TUBD1: variants seen among roughly 807,000 people sequenced by gnomAD.
TUBD1 encodes tubulin delta chain.
TUBD1 carries 38 observed loss-of-function variants against 51.2 expected under a neutral mutation model. The observed-to-expected ratio is 0.74, with a 90% CI of 0.57 to 0.97. The LOEUF (loss-of-function observed/expected upper bound fraction) is 0.97, where lower values mean the gene tolerates loss of function less well. Among genes scored for constraint, TUBD1 ranks in the 50% least tolerant of loss-of-function variants. TUBD1 has a pLI of 0.00. For missense variants in TUBD1, 489 were observed against 538.4 expected (o/e 0.91, Z 0.91); for synonymous variants, 169 against 178.2 (o/e 0.95, Z 0.41).
chr17:59,892,034 T>C (rs926608030), intron 1 of TUBD1: 8 of 151,852 alleles, frequency 5.3e-5, no homozygotes, highest in African/African-American at 1.9e-4. Flanking sequence ...TTGAAGAAAT[T>C]AGTAGTACCA....
chr17:59,885,188 T>A, intron 3 of TUBD1: 1 of 422,750 alleles, frequency 2.4e-6, no homozygotes, highest in South Asian at 1.9e-5. Context: ...ATAACATGTG[T>A]GTGGGAGACT....
chr17:59,886,003 C>T (rs2040703452), intron 3 of TUBD1, 80 bp downstream of exon 3: 1 of 1,457,630 alleles, frequency 6.9e-7, no homozygotes, highest in South Asian at 1.2e-5. Flanking sequence ...GGTATATCAA[C>T]TATACAGTTC....
intron 4 of TUBD1, among the ~76,000 whole-genome samples, chr17:59,880,577 C>T (rs954762473): frequency 5.9e-5 from 9 of 151,944 alleles, no homozygotes; most frequent in South Asian, 2.1e-4. Flanking sequence ...TACGGTAGCG[C>T]GATCTTGGCT....
chr17:59,883,183 C>T (rs547166915), intron 3 of TUBD1, among the ~76,000 whole-genome samples: 1 of 152,076 alleles, frequency 6.6e-6, no homozygotes, highest in East Asian at 1.9e-4. Flanking sequence ...GCAACCTCTG[C>T]CTCCCAGGTT....
chr17:59,870,097 A>T (rs944474691), intron 6 of TUBD1, among the ~76,000 whole-genome samples: 3 of 152,072 alleles, frequency 2.0e-5, no homozygotes, highest in Non-Finnish European at 4.4e-5. Context: ...ACGGTGGCTT[A>T]TATCTGTAAT....
chr17:59,860,635 G>A (rs1321111566), intron 8 of TUBD1, among the ~76,000 whole-genome samples: 1 of 151,198 alleles, frequency 6.6e-6, no homozygotes, highest in East Asian at 1.9e-4. Flanking sequence ...CACCTAGGCT[G>A]GAGTGCAGTG....
chr17:59,879,394 G>C (rs771892956), intron 4 of TUBD1, among the ~76,000 whole-genome samples: 45 of 152,112 alleles, frequency 3.0e-4, no homozygotes, highest in Non-Finnish European at 2.8e-4. Context: ...ACTGGAGTGA[G>C]AGACATTCTC....
chr17:59,866,681 C>T lies in TUBD1; in HGVS notation c.1003G>A (p.Asp335Asn), dbSNP rs371178578. Residue 335 changes from aspartate to asparagine, a missense_variant, in exon 7 of 9, where the codon GAC (aspartate) becomes AAC (asparagine). By Grantham distance (23) the Asp-to-Asn change is conservative. Coordinates refer to ENST00000325752, the MANE Select transcript of TUBD1 (RefSeq NM_016261.4). ...GCAATGGAAGTGTTAAAATGCAGGT[C>T]CTTGTTGAGAGACATTTTACTAAGA... ...PPLSKMSLNK[D>N]LHFNTSIANL... 3 of 1,613,994 alleles carry T rather than the reference C, an allele frequency of 1.9e-6. No individual in the cohort carries two copies. The highest frequency in any genetic ancestry group is 1.7e-6 in the Non-Finnish European group (2 of 1,180,038).
intron 5 of TUBD1, among the ~76,000 whole-genome samples, chr17:59,875,073 C>CTT (rs10679203): frequency 0.22 from 19,522 of 87,266 alleles, 1,395 homozygotes; most frequent in Middle Eastern, 0.25. Flanking sequence ...TTGTTATATT[C>CTT]TTTTTTTTTT....
In TUBD1 at chr17:59,891,689, G is replaced by C. The variant is rs562944617; in HGVS notation, c.-39-648C>G. The C allele has an allele frequency of 2.0e-5, 3 of 152,368 alleles. No individual in the cohort carries two copies. The East Asian group carries it at 5.8e-4, about 29-fold the overall frequency. The allele number at this position is 152,368 out of a possible 1,614,324, so 9.4% of individuals were successfully genotyped here. ...GAGGAGTGATAAAAGAAAAAAAGAG[G>C]CTGGGTGCGTGGCTCACACCTGTAA... On this transcript the variant is annotated intron_variant, in intron 1 of 8. Transcript: ENST00000325752.
At chr17:59,877,279 T>C (rs772212457) in intron 5 of TUBD1, among the ~76,000 whole-genome samples, 2 of 152,200 alleles carry the variant, frequency 1.3e-5, no homozygotes, top group Non-Finnish European at 2.9e-5. Flanking sequence ...CCTCACCTTC[T>C]CTGTCAGAGC....
At chr17:59,886,780 G>GT (rs1206733606) in intron 2 of TUBD1, among the ~76,000 whole-genome samples, 1 of 152,116 alleles carries the variant, frequency 6.6e-6, no homozygotes, top group African/African-American at 2.4e-5. Flanking sequence ...GCTGGGCGTG[G>GT]TGGCTCATGC....
At chr17:59,869,281 C>T (rs2039869573) in intron 6 of TUBD1, among the ~76,000 whole-genome samples, 1 of 151,622 alleles carries the variant, frequency 6.6e-6, no homozygotes, top group Non-Finnish European at 1.5e-5. Context: ...CAAGACCAGC[C>T]TGGCCAATAT....
Position 59,886,234 on chromosome 17 carries a change from G to C in TUBD1, c.173-4C>G. On this transcript the variant is annotated splice_region_variant and splice_polypyrimidine_tract_variant and intron_variant, in intron 2 of 8. Transcript: ENST00000325752. ...AGAACAGCCCGGGCAATTGGAACTA[G>C]AGGGGGAAAAAAACCCAAAAACATC... is the stretch of plus-strand genomic sequence containing the variant. The C allele has an allele frequency of 6.3e-7, 1 of 1,599,050 alleles. No individual in the cohort carries two copies. Among genetic ancestry groups the C allele is most frequent in the Non-Finnish European group, 8.5e-7 (1 of 1,175,902 alleles).
chr17:59,887,827 T>G (rs1278680563), intron 2 of TUBD1, among the ~76,000 whole-genome samples: 2 of 152,070 alleles, frequency 1.3e-5, no homozygotes, highest in East Asian at 3.8e-4. Context: ...AGACAGAATC[T>G]TGCTCTATTG....
At chr17:59,872,582 T>C (rs1432571187) in intron 6 of TUBD1, among the ~76,000 whole-genome samples, 1 of 152,004 alleles carries the variant, frequency 6.6e-6, no homozygotes, top group African/African-American at 2.4e-5. Context: ...AGTACAAACA[T>C]TGAAAACTGA....
intron 2 of TUBD1, among the ~76,000 whole-genome samples, chr17:59,890,555 T>A (rs571595947): frequency 3.5e-4 from 54 of 152,288 alleles, no homozygotes; most frequent in African/African-American, 1.3e-3. Context: ...AGGGTCCTCT[T>A]TTGAGAATCT....
intron 6 of TUBD1, among the ~76,000 whole-genome samples, chr17:59,867,598 G>A (rs955986140): frequency 6.6e-6 from 1 of 152,054 alleles, no homozygotes; most frequent in Admixed American, 6.6e-5. Context: ...TGAGTGGGGA[G>A]AATTGCCTAA....
intron 4 of TUBD1, 125 bp downstream of exon 4, chr17:59,880,769 C>A (rs1452009365): frequency 2.2e-5 from 19 of 867,330 alleles, no homozygotes; most frequent in Non-Finnish European, 3.3e-5. Context: ...CCGCCTTGGC[C>A]TCCCAAAGTG....
Sources: gnomAD v4.1 joint callset for allele counts (sites outside exome capture counted in the v4.1 genomes callset) on GRCh38, gnomAD v4.1.1 for gene constraint, MANE v1.5 for transcripts, NCBI Gene and HGNC (gene_info 2026-07-23, HGNC 2026-07-21) for gene names.